Variants in TRAPPC9 observed in about 807,000 individuals in gnomAD.
The protein encoded by TRAPPC9 is IKK2 binding protein.
In TRAPPC9, 83 loss-of-function variants were observed where a neutral mutation model predicts 124.0. That is an observed-to-expected ratio of 0.67 (90% CI 0.56 to 0.80). The LOEUF (loss-of-function observed/expected upper bound fraction) is 0.80. Ranked by LOEUF, TRAPPC9 falls within the 30% of genes least tolerant of loss-of-function variation. TRAPPC9 has a pLI of 0.00. For missense variants in TRAPPC9, 1,302 were observed against 1,508.3 expected, an observed-to-expected ratio of 0.86 and a Z score of 2.27; for synonymous variants, 638 against 617.5, an observed-to-expected ratio of 1.03 and a Z score of -0.49.
At position 139,769,400 on chromosome 8, in the gene TRAPPC9, G is replaced by C. The variant is rs536816134; in HGVS notation, c.3056-37198C>G. 2.0e-5 allele frequency among the ~76,000 whole-genome samples: 3 copies of C among 152,348 alleles called. No homozygotes were observed. In the East Asian group the frequency reaches 5.8e-4, roughly 29 times the overall value. On this transcript the variant is annotated intron_variant, in intron 21 of 22. Transcript: ENST00000438773. ...CACCTCCTAGGTGGCTCAGGGTGGG[G>C]AATGTGCACAGCGTGGATTCACTGG...
intron 17 of TRAPPC9, among the ~76,000 whole-genome samples, chr8:140,153,231 T>TC (rs1319845591): frequency 1.3e-5 from 2 of 152,196 alleles, no homozygotes; most frequent in African/African-American, 2.4e-5. Flanking sequence ...CACAGGCCCC[T>TC]CCTCATTTCT....
chr8:139,916,625 C>T (rs900405083), intron 19 of TRAPPC9: 1 of 152,252 alleles, frequency 6.6e-6, no homozygotes, highest in Middle Eastern at 3.4e-3. Flanking sequence ...TTATTGAATG[C>T]CAATTTTCAT....
chr8:140,259,030 G>A (rs112056647), intron 15 of TRAPPC9, among the ~76,000 whole-genome samples: 8 of 152,104 alleles, frequency 5.3e-5, no homozygotes, highest in South Asian at 2.1e-4. Flanking sequence ...AGCCCACCCC[G>A]CGGAGGAAGC....
At chr8:139,918,251 A>C (rs1832272749) in intron 19 of TRAPPC9, among the ~76,000 whole-genome samples, 1 of 152,230 alleles carries the variant, frequency 6.6e-6, no homozygotes, top group African/African-American at 2.4e-5. Context: ...GAGCATCAGG[A>C]AACGGTGGCC....
chr8:139,890,125 T>A lies in TRAPPC9; in HGVS notation c.2965-4156A>T, dbSNP rs1045126252. Among the ~76,000 whole-genome samples the A allele has an allele frequency of 2.0e-5, 3 of 152,202 alleles. No homozygotes were observed. The East Asian group carries it at 5.8e-4, about 29-fold the overall frequency. On this transcript the variant is annotated intron_variant, in intron 20 of 22. Coordinates refer to ENST00000438773, the MANE Select transcript of TRAPPC9 (RefSeq NM_001160372.4). ...GCGCCCTGCAGCTCCTTTATCTTTT[T>A]GCAAAAGCGAATCCGACTCTCCCTC... is the stretch of plus-strand genomic sequence containing the variant.
chr8:140,291,259 G>A (rs2065648317), intron 11 of TRAPPC9, 181 bp from the exon 12 acceptor site: 5 of 671,478 alleles, frequency 7.4e-6, no homozygotes, highest in Non-Finnish European at 1.3e-5. Flanking sequence ...AACAAAGCAA[G>A]GTAGCTGTCA....
At chr8:140,073,853 TACG>T (rs1843338180) in intron 17 of TRAPPC9, among the ~76,000 whole-genome samples, 1 of 152,202 alleles carries the variant, frequency 6.6e-6, no homozygotes, top group Non-Finnish European at 1.5e-5. Context: ...TTACTTTCTA[TACG>T]TTTAAAATTT....
At chr8:139,980,562 C>T (rs1190872471) in intron 19 of TRAPPC9, among the ~76,000 whole-genome samples, 3 of 152,238 alleles carry the variant, frequency 2.0e-5, no homozygotes, top group African/African-American at 7.2e-5. Context: ...AGCACCATCA[C>T]CAACGGCTGG....
intron 18 of TRAPPC9, among the ~76,000 whole-genome samples, chr8:139,996,158 C>CAAAAAAAAAAAAAAA: frequency 8.8e-4 from 17 of 19,376 alleles, no homozygotes; most frequent in East Asian, 4.9e-3. Context: ...AAAACTTAAG[C>CAAAAAAAAAAAAAAA]AAAAAAAAAA....
At chr8:140,429,974 G>A (rs529827589) in intron 4 of TRAPPC9, among the ~76,000 whole-genome samples, 8 of 151,270 alleles carry the variant, frequency 5.3e-5, no homozygotes, top group South Asian at 2.1e-4. Context: ...TAGCGAAACC[G>A]TGTCTCCACT....
chr8:140,428,889 T>C (rs564795006), intron 4 of TRAPPC9, among the ~76,000 whole-genome samples: 1 of 152,200 alleles, frequency 6.6e-6, no homozygotes, highest in Admixed American at 6.5e-5. Context: ...CTGTGGACAG[T>C]GGCCAAGACA....
At chr8:140,272,397 C>CGATGGTGATAATGGTGATGGT (rs1563904562) in intron 15 of TRAPPC9, among the ~76,000 whole-genome samples, 1 of 123,024 alleles carries the variant, frequency 8.1e-6, no homozygotes, top group Non-Finnish European at 1.7e-5. Context: ...GTGATGGTGG[C>CGATGGTGATAATGGTGATGGT]GATGGTGATA....
At position 139,763,901 on chromosome 8, in the gene TRAPPC9, G is replaced by A. The variant is rs113406834; in HGVS notation, c.3056-31699C>T. ...GCCTCAGCAGCCAGAAGAACTGCCC[G>A]TTGACAACTGGGGACACCGAGGAGG... On this transcript the variant is annotated intron_variant, in intron 21 of 22. Coordinates refer to ENST00000438773, the MANE Select transcript of TRAPPC9 (RefSeq NM_001160372.4). Among the ~76,000 whole-genome samples, 625 of 152,334 alleles carry A rather than the reference G, an allele frequency of 4.1e-3. 3 individuals carry two copies. Among genetic ancestry groups the A allele is most frequent in the African/African-American group, 0.014 (581 of 41,582 alleles).
rs148967065 is a variant in TRAPPC9, at chr8:139,946,475, A to G, written c.2811-36175T>C. On this transcript the variant is annotated intron_variant, in intron 19 of 22. Coordinates refer to ENST00000438773, the MANE Select transcript of TRAPPC9 (RefSeq NM_001160372.4). ...CTTGTCCTCTGGAGTCGGGAGTGAC[A>G]TGCTTGGAGTTTTGCTTCTTTGCTC... Among the ~76,000 whole-genome samples the G allele has an allele frequency of 2.3e-3, 354 of 152,254 alleles. 3 individuals are homozygous for G. In the South Asian group the frequency reaches 0.04, roughly 17 times the overall value.
intron 17 of TRAPPC9, among the ~76,000 whole-genome samples, chr8:140,119,408 C>T (rs1010052404): frequency 5.3e-5 from 8 of 152,194 alleles, no homozygotes; most frequent in Admixed American, 1.3e-4. Flanking sequence ...GTCCCCACCA[C>T]GCCGCCAGCA....
At chr8:139,899,262 A>G (rs1830869255) in intron 20 of TRAPPC9, among the ~76,000 whole-genome samples, 1 of 152,204 alleles carries the variant, frequency 6.6e-6, no homozygotes, top group Non-Finnish European at 1.5e-5. Context: ...TGACTCCACC[A>G]AAACTTAACT....
rs546786887 is a variant in TRAPPC9, at chr8:140,383,277, C to T, written c.1135-12097G>A. Among the ~76,000 whole-genome samples, 6 of 152,340 alleles carry T rather than the reference C, an allele frequency of 3.9e-5. No individual in the cohort carries two copies. The East Asian group carries it at 9.6e-4, about 24-fold the overall frequency. ...GCACCTCTCCTCCTCCAAAGGAACACAGCTCCTCACCAGCAACGGAGCAAA... is the reference window on the plus strand; with the variant it reads ...GCACCTCTCCTCCTCCAAAGGAACATAGCTCCTCACCAGCAACGGAGCAAA... On this transcript the variant is annotated intron_variant, in intron 7 of 22. Coordinates refer to ENST00000438773, the MANE Select transcript of TRAPPC9 (RefSeq NM_001160372.4).
intron 21 of TRAPPC9, among the ~76,000 whole-genome samples, chr8:139,795,276 T>C (rs1822971152): frequency 6.6e-6 from 1 of 151,832 alleles, no homozygotes; most frequent in South Asian, 2.1e-4. Flanking sequence ...ACAATTACGG[T>C]GAGAGGAAGC....
At chr8:140,193,094 G>A (rs930616503) in intron 17 of TRAPPC9, among the ~76,000 whole-genome samples, 3 of 152,206 alleles carry the variant, frequency 2.0e-5, no homozygotes, top group African/African-American at 7.2e-5. Context: ...AAATCTTGCA[G>A]AAGTAAAACA....
Sources: allele counts gnomAD v4.1 joint callset (sites outside exome capture counted in the v4.1 genomes callset), GRCh38; gene constraint gnomAD v4.1.1; transcripts MANE v1.5; gene names NCBI Gene and HGNC (gene_info 2026-07-23, HGNC 2026-07-21).